Variants in VIT observed in about 807,000 individuals in gnomAD.
VIT encodes vitrin.
VIT carries 99 observed loss-of-function variants against 78.0 expected under a neutral mutation model. That is an observed-to-expected ratio of 1.27 (90% CI 1.08 to 1.50). VIT has a LOEUF of 1.50. Ranked by LOEUF, VIT falls within the 40% of genes most tolerant of loss-of-function variation. The probability of loss-of-function intolerance (pLI) is 0.00; values close to 1 mark genes in which losing one functional copy is unlikely to be tolerated. For synonymous variants in VIT, 374 were observed against 334.3 expected, an observed-to-expected ratio of 1.12 and a Z score of -1.29; for missense variants, 1,126 against 875.3, an observed-to-expected ratio of 1.29 and a Z score of -3.61.
chr2:36,769,686 G>C (rs533707591), intron 7 of VIT, among the ~76,000 whole-genome samples: 1 of 152,144 alleles, frequency 6.6e-6, no homozygotes, highest in East Asian at 1.9e-4. Context: ...GTATTCATGA[G>C]AGACTTTCCA....
At chr2:36,809,265 C>T (rs1472767085) in intron 15 of VIT, among the ~76,000 whole-genome samples, 1 of 152,224 alleles carries the variant, frequency 6.6e-6, no homozygotes, top group South Asian at 2.1e-4. Flanking sequence ...TTACATCCTG[C>T]ACCCTGAGGC....
At chr2:36,719,290 G>A (rs721348) in intron 2 of VIT, among the ~76,000 whole-genome samples, 75,526 of 152,076 alleles carry the variant, frequency 0.5, 19,425 homozygotes, top group Admixed American at 0.62. Context: ...AGACAAGGAT[G>A]CCTACTCTTG....
At chr2:36,743,308 G>A in intron 4 of VIT, 52 bp downstream of exon 4, 1 of 1,481,784 alleles carries the variant, frequency 6.7e-7, no homozygotes, top group African/African-American at 1.4e-5. Context: ...GGTGTTGGCA[G>A]GGAGCCCCCA....
At chr2:36,730,366 C>G (rs548716301) in intron 3 of VIT, among the ~76,000 whole-genome samples, 17 of 152,240 alleles carry the variant, frequency 1.1e-4, no homozygotes, top group African/African-American at 4.1e-4. Flanking sequence ...CTTTCTCTCT[C>G]CTGGTCTTGG....
At position 36,734,065 on chromosome 2, in the gene VIT, G is replaced by A. The variant is rs541207062; in HGVS notation, c.118+4574G>A. On this transcript the variant is annotated intron_variant, in intron 3 of 15. Coordinates refer to ENST00000379242, the MANE Select transcript of VIT (RefSeq NM_053276.4). Reference sequence around the variant, plus strand: ...TGGACCGGCAGCATCAGCATCATCCGGGACCTTTCGTCTCACCCAGCCCAG... The same window carrying A: ...TGGACCGGCAGCATCAGCATCATCCAGGACCTTTCGTCTCACCCAGCCCAG... 9.2e-5 allele frequency among the ~76,000 whole-genome samples: 14 copies of A among 152,210 alleles called. No individual in the cohort carries two copies. In the East Asian group the frequency reaches 2.3e-3, roughly 25 times the overall value.
At chr2:36,720,184 A>C (rs757403730) in intron 2 of VIT, among the ~76,000 whole-genome samples, 2 of 152,198 alleles carry the variant, frequency 1.3e-5, no homozygotes, top group Non-Finnish European at 2.9e-5. Flanking sequence ...AAAAGGCCAA[A>C]GCAATCCTGA....
At chr2:36,757,334 C>A (rs765618519) in intron 5 of VIT, among the ~76,000 whole-genome samples, 10 of 152,202 alleles carry the variant, frequency 6.6e-5, no homozygotes, top group Non-Finnish European at 1.2e-4. Flanking sequence ...ACGTTTACGG[C>A]CCGCATGATC....
chr2:36,765,522 G>A (rs1323065901), intron 6 of VIT, among the ~76,000 whole-genome samples: 1 of 151,952 alleles, frequency 6.6e-6, no homozygotes, highest in Non-Finnish European at 1.5e-5. Context: ...GAGGGACACC[G>A]CCCCCATGAT....
intron 12 of VIT, among the ~76,000 whole-genome samples, chr2:36,798,324 C>T (rs936267529): frequency 5.3e-5 from 8 of 152,014 alleles, no homozygotes; most frequent in African/African-American, 1.9e-4. Context: ...GCCAGGACTC[C>T]CGGTGTTACA....
At chr2:36,735,246 C>G (rs994579761) in intron 3 of VIT, among the ~76,000 whole-genome samples, 1 of 152,088 alleles carries the variant, frequency 6.6e-6, no homozygotes, top group Non-Finnish European at 1.5e-5. Flanking sequence ...TATAAAAAAG[C>G]AATTGGATGG....
intron 13 of VIT, among the ~76,000 whole-genome samples, chr2:36,803,450 A>G (rs1318653066): frequency 6.6e-6 from 1 of 152,300 alleles, no homozygotes; most frequent in South Asian, 2.1e-4. Flanking sequence ...TGGCCTCCAG[A>G]TATAAGGTTA....
chr2:36,789,906 T>C (rs1219085166), intron 12 of VIT, among the ~76,000 whole-genome samples: 1 of 152,160 alleles, frequency 6.6e-6, no homozygotes, highest in Non-Finnish European at 1.5e-5. Flanking sequence ...GGAGGAGGAC[T>C]CCGGAGCTCA....
intron 4 of VIT, among the ~76,000 whole-genome samples, chr2:36,749,125 T>A (rs780838874): frequency 6.6e-6 from 1 of 152,226 alleles, no homozygotes; most frequent in Non-Finnish European, 1.5e-5. Flanking sequence ...TACTCTTTCA[T>A]GTTCATGAAA....
intron 3 of VIT, among the ~76,000 whole-genome samples, chr2:36,741,755 C>G (rs1443709518): frequency 6.6e-6 from 1 of 152,118 alleles, no homozygotes; most frequent in Non-Finnish European, 1.5e-5. Flanking sequence ...GAAATCCTCT[C>G]TGTAACTGTT....
At chr2:36,804,483 G>C (rs930005062) in intron 13 of VIT, among the ~76,000 whole-genome samples, 1 of 152,190 alleles carries the variant, frequency 6.6e-6, no homozygotes, top group Non-Finnish European at 1.5e-5. Context: ...AAACAACATG[G>C]GGCTGGCTTA....
chr2:36,761,613 G>T (rs1669125377), intron 6 of VIT, among the ~76,000 whole-genome samples: 1 of 152,088 alleles, frequency 6.6e-6, no homozygotes, highest in Non-Finnish European at 1.5e-5. Flanking sequence ...GGTGACACGT[G>T]CCTGTAGTCC....
intron 4 of VIT, among the ~76,000 whole-genome samples, chr2:36,748,249 C>T (rs1429848572): frequency 1.3e-5 from 2 of 152,136 alleles, no homozygotes; most frequent in African/African-American, 4.8e-5. Flanking sequence ...TGCTGAATTT[C>T]TTGAATTTGT....
chr2:36,809,123 G>C (rs1666968329), intron 15 of VIT, 138 bp downstream of exon 15: 2 of 1,206,388 alleles, frequency 1.7e-6, no homozygotes, highest in Non-Finnish European at 1.1e-6. Context: ...GCCGCAGGGA[G>C]GGCATTAGGG....
intron 2 of VIT, 24 bp from the exon 3 acceptor site, chr2:36,729,402 T>C (rs774890340): frequency 6.3e-7 from 1 of 1,577,336 alleles, no homozygotes; most frequent in Non-Finnish European, 8.6e-7. Context: ...ATTGATTAAA[T>C]TTTTAAAAAT....
Sources: allele counts gnomAD v4.1 joint callset (sites outside exome capture counted in the v4.1 genomes callset), GRCh38; gene constraint gnomAD v4.1.1; transcripts MANE v1.5; gene names NCBI Gene and HGNC (gene_info 2026-07-23, HGNC 2026-07-21).